LRRTM3: variants seen among roughly 807,000 people sequenced by gnomAD.
LRRTM3 encodes the protein leucine-rich repeat transmembrane neuronal protein 3.
Under a neutral mutation model 44.7 loss-of-function variants are expected in LRRTM3, and 24 were observed. The observed-to-expected ratio is 0.54, with a 90% confidence interval of 0.39 to 0.76. The LOEUF (loss-of-function observed/expected upper bound fraction) is 0.76, where lower values mean the gene tolerates loss of function less well. Among genes scored for constraint, LRRTM3 ranks in the 30% least tolerant of loss-of-function variants. LRRTM3 has a pLI of 0.00. For missense variants in LRRTM3, 587 were observed against 702.2 expected (o/e 0.84, Z 1.85); for synonymous variants, 277 against 278.7 (o/e 0.99, Z 0.06).
chr10:67,063,129 C>G (rs1194209070), intron 2 of LRRTM3, among the ~76,000 whole-genome samples: 1 of 152,144 alleles, frequency 6.6e-6, no homozygotes, highest in Non-Finnish European at 1.5e-5. Flanking sequence ...AACTCATTAT[C>G]AGACTACCAG....
chr10:67,010,158 C>A (rs145917625), intron 2 of LRRTM3, among the ~76,000 whole-genome samples: 20 of 152,176 alleles, frequency 1.3e-4, no homozygotes, highest in Non-Finnish European at 2.2e-4. Flanking sequence ...TAAACACACA[C>A]GCATATGCAC....
chr10:67,075,985 CT>C (rs1415469849), intron 2 of LRRTM3, among the ~76,000 whole-genome samples: 1 of 152,170 alleles, frequency 6.6e-6, no homozygotes, highest in Non-Finnish European at 1.5e-5. Flanking sequence ...AAACCTCTCT[CT>C]TTTTTTAAGA....
At chr10:67,062,446 G>A (rs1188531675) in intron 2 of LRRTM3, among the ~76,000 whole-genome samples, 1 of 152,120 alleles carries the variant, frequency 6.6e-6, no homozygotes, top group Non-Finnish European at 1.5e-5. Context: ...GTATGCAGGT[G>A]ATAAACTTTA....
intron 2 of LRRTM3, among the ~76,000 whole-genome samples, chr10:66,947,340 A>C (rs2132705975): frequency 6.6e-6 from 1 of 152,336 alleles, no homozygotes; most frequent in Middle Eastern, 3.4e-3. Flanking sequence ...AAACAGAGCT[A>C]TCACACTCAA....
intron 2 of LRRTM3, among the ~76,000 whole-genome samples, chr10:66,947,266 G>C (rs1007539809): frequency 6.6e-6 from 1 of 152,042 alleles, no homozygotes; most frequent in Middle Eastern, 3.2e-3. Flanking sequence ...TCTCTAATGG[G>C]GTATCTTGTA....
chr10:67,068,601 T>C (rs1856238571), intron 2 of LRRTM3, among the ~76,000 whole-genome samples: 1 of 152,012 alleles, frequency 6.6e-6, no homozygotes, highest in Non-Finnish European at 1.5e-5. Flanking sequence ...TTTTAGTAAT[T>C]ATCAGAGAAA....
chr10:66,927,657 C>T lies in LRRTM3; in HGVS notation c.741C>T (p.Thr247=). The stretch of plus-strand genomic sequence containing the variant: ...ATAAAATCAGTGTCATAGGACAGAC[C>T]ATGTCCTGGACCTGGAGCTCCTTAC... ...QWNKISVIGQ[T]MSWTWSSLQR... The change falls in exon 2 of 3, where the codon ACC becomes ACT. Residue 247 remains threonine (T), a synonymous_variant. Coordinates refer to ENST00000361320, the MANE Select transcript of LRRTM3 (RefSeq NM_178011.5). The surrounding 1 kb of genome is among the most constrained non-coding windows in gnomAD (Gnocchi z 4.7). The T allele has an allele frequency of 1.2e-6, 2 of 1,614,140 alleles. No homozygotes were observed. Among genetic ancestry groups the T allele is most frequent in the Non-Finnish European group, 8.5e-7 (1 of 1,180,018 alleles).
At chr10:66,978,628 C>A (rs977495899) in intron 2 of LRRTM3, among the ~76,000 whole-genome samples, 4 of 142,226 alleles carry the variant, frequency 2.8e-5, no homozygotes, top group Non-Finnish European at 6.0e-5. Flanking sequence ...GTTCTTACCA[C>A]AGTTTTTAAA....
In LRRTM3 at chr10:66,927,317, A is replaced by T. The variant is rs1847136161; in HGVS notation, c.401A>T (p.Asn134Ile). The change falls in exon 2 of 3, where the codon AAT (asparagine) becomes ATT (isoleucine). Residue 134 changes from asparagine to isoleucine, a missense_variant. Physicochemically the swap from Asn to Ile is moderately radical, Grantham distance 149. Coordinates refer to ENST00000361320, the MANE Select transcript of LRRTM3 (RefSeq NM_178011.5). This position sits in a 1 kb window ranked among gnomAD's most constrained non-coding sequence, Gnocchi z 4.7. ...AACAATACCTTCAGACCTGTGACAAATTTACGGAACTTGGATCTGTCCTAT... is the reference window on the plus strand; with the variant it reads ...AACAATACCTTCAGACCTGTGACAATTTTACGGAACTTGGATCTGTCCTAT... The part of the protein sequence containing the change: ...FLNNTFRPVT[N>I]LRNLDLSYNQ... 1.2e-6 allele frequency: 2 copies of T among 1,614,012 alleles called. No homozygotes were observed. The highest frequency in any genetic ancestry group is 2.7e-5 in the African/African-American group (2 of 74,902).
chr10:66,938,159 AT>A lies in LRRTM3; in HGVS notation c.1536+9708del, dbSNP rs1200438602. Among the ~76,000 whole-genome samples the A allele has an allele frequency of 1.1e-4, 16 of 152,308 alleles. No homozygotes were observed. In the East Asian group the frequency reaches 3.1e-3, roughly 29 times the overall value. ...CAACCTTATATTTCTTTGTGTAGTC[AT>A]AAAAACTTTTTTTAGTTTTAATTTA... On this transcript the variant is annotated intron_variant, in intron 2 of 2. Transcript: ENST00000361320.
chr10:67,057,235 A>T (rs1855492096), intron 2 of LRRTM3, among the ~76,000 whole-genome samples: 1 of 152,192 alleles, frequency 6.6e-6, no homozygotes, highest in African/African-American at 2.4e-5. Context: ...AATGATTGCC[A>T]CAATCAATTA....
rs1858173572 is a variant in LRRTM3, at chr10:67,098,973, T to G, written c.*1177T>G. 1 of 151,848 alleles carries G rather than the reference T, an allele frequency of 6.6e-6. No individual in the cohort carries two copies. Among genetic ancestry groups the G allele is most frequent in the Non-Finnish European group, 1.5e-5 (1 of 67,872 alleles). 9.4% of individuals were successfully genotyped at this position (151,848 alleles called of 1,614,324 possible). A position where few individuals can be genotyped will look rare whatever the true frequency, so the allele number is the denominator to read the frequency against. ...TGCGTTGTGCACTACATCATTTCTC[T>G]CCTGAGGAAGAATTTTAAACATGTA... On this transcript the variant is annotated 3_prime_UTR_variant, in exon 3 of 3. Coordinates refer to ENST00000361320, the MANE Select transcript of LRRTM3 (RefSeq NM_178011.5).
intron 2 of LRRTM3, among the ~76,000 whole-genome samples, chr10:66,936,198 G>T (rs781509724): frequency 8.5e-5 from 13 of 152,102 alleles, no homozygotes; most frequent in African/African-American, 2.7e-4. Context: ...ACACACAGAT[G>T]TGTGGAGTCT....
At chr10:66,932,309 T>A (rs892092128) in intron 2 of LRRTM3, among the ~76,000 whole-genome samples, 1 of 152,184 alleles carries the variant, frequency 6.6e-6, no homozygotes, top group Admixed American at 6.5e-5. Flanking sequence ...CCCTTGACAT[T>A]TACCAAAATG....
chr10:67,062,474 T>C (rs1221639576), intron 2 of LRRTM3, among the ~76,000 whole-genome samples: 1 of 152,166 alleles, frequency 6.6e-6, no homozygotes, highest in Non-Finnish European at 1.5e-5. Context: ...AGTACATTCA[T>C]TGTATTTCAA....
At chr10:67,093,386 T>C (rs963287779) in intron 2 of LRRTM3, among the ~76,000 whole-genome samples, 1 of 151,836 alleles carries the variant, frequency 6.6e-6, no homozygotes, top group African/African-American at 2.4e-5. Flanking sequence ...ACTGTACTGT[T>C]GAACACCCTA....
intron 2 of LRRTM3, among the ~76,000 whole-genome samples, chr10:66,945,141 A>T (rs1472206746): frequency 6.6e-6 from 1 of 152,082 alleles, no homozygotes; most frequent in Non-Finnish European, 1.5e-5. Flanking sequence ...CCAGGCATTG[A>T]CTTCTCCTCT....
intron 2 of LRRTM3, among the ~76,000 whole-genome samples, chr10:67,083,396 G>C (rs912972040): frequency 6.6e-6 from 1 of 150,908 alleles, no homozygotes; most frequent in African/African-American, 2.4e-5. Context: ...ATTTGTCTCA[G>C]TGCAAAAAAA....
intron 2 of LRRTM3, among the ~76,000 whole-genome samples, chr10:66,979,753 A>G (rs1850301539): frequency 6.6e-6 from 1 of 152,204 alleles, no homozygotes. Context: ...CTACTTTATC[A>G]CTATCATAAT....
Sources: gnomAD v4.1 joint callset for allele counts (sites outside exome capture counted in the v4.1 genomes callset) on GRCh38, gnomAD v4.1.1 for gene constraint, Gnocchi (gnomAD v3.1) non-coding constraint, MANE v1.5 for transcripts, NCBI Gene and HGNC (gene_info 2026-07-23, HGNC 2026-07-21) for gene names.